SLFN12: variants seen among roughly 807,000 people sequenced by gnomAD.
SLFN12 encodes the protein ribonuclease SLFN12.
SLFN12 carries 25 observed loss-of-function variants against 29.1 expected under a neutral mutation model. The observed-to-expected ratio is 0.86, with a 90% CI of 0.63 to 1.20. The LOEUF is 1.20. Ranked by LOEUF, SLFN12 falls within the 50% of genes most tolerant of loss-of-function variation. The probability of loss-of-function intolerance (pLI) is 0.00; values close to 1 mark genes in which losing one functional copy is unlikely to be tolerated. For synonymous variants in SLFN12, 257 were observed against 238.7 expected (o/e 1.08, Z -0.71); for missense variants, 660 against 666.2 (o/e 0.99, Z 0.10).
intron 2 of SLFN12, chr17:35,420,870 C>T (rs1911584336): frequency 6.6e-6 from 1 of 152,160 alleles, no homozygotes; most frequent in Admixed American, 6.5e-5. Flanking sequence ...TACTACTTGG[C>T]TCACAAATGT....
intron 1 of SLFN12, among the ~76,000 whole-genome samples, chr17:35,431,637 T>C (rs1349141848): frequency 1.3e-5 from 2 of 152,118 alleles, no homozygotes; most frequent in Admixed American, 6.5e-5. Context: ...AGTGCCACTT[T>C]ACATGTTTTC....
At chr17:35,417,096 A>G (rs1235876638) in intron 3 of SLFN12, among the ~76,000 whole-genome samples, 1 of 152,136 alleles carries the variant, frequency 6.6e-6, no homozygotes, top group East Asian at 1.9e-4. Context: ...ATACTAGACA[A>G]AGAAAGAGAG....
At chr17:35,427,517 CTAT>C (rs1330979474) in intron 1 of SLFN12, among the ~76,000 whole-genome samples, 2 of 152,090 alleles carry the variant, frequency 1.3e-5, no homozygotes, top group Non-Finnish European at 2.9e-5. Context: ...AGCTGTATTT[CTAT>C]TATTTCACAT....
rs995073341 is a variant in SLFN12 at position 35,429,044 on chromosome 17, C to T, written c.-41+3144G>A. On this transcript the variant is annotated intron_variant, in intron 1 of 3. Coordinates refer to ENST00000304905, the MANE Select transcript of SLFN12 (RefSeq NM_018042.5). ...TTTCTGGTAATGCCTCACCAAGCAG[C>T]CTCTGCTCTGCTCCCCGATTCTTTT... Among the ~76,000 whole-genome samples, 6 of 152,104 alleles carry T rather than the reference C, an allele frequency of 3.9e-5. No homozygotes were observed. In the East Asian group the frequency reaches 1.2e-3, roughly 29 times the overall value.
intron 1 of SLFN12, among the ~76,000 whole-genome samples, chr17:35,427,494 A>C (rs1314930180): frequency 1.3e-5 from 2 of 152,130 alleles, no homozygotes; most frequent in East Asian, 3.8e-4. Flanking sequence ...TCACAAAATG[A>C]GTTGAGGATG....
At chr17:35,419,729 T>C (rs1260447073) in intron 3 of SLFN12, among the ~76,000 whole-genome samples, 1 of 152,134 alleles carries the variant, frequency 6.6e-6, no homozygotes, top group African/African-American at 2.4e-5. Context: ...TCTTATTACT[T>C]GAATATTCAC....
chr17:35,433,156 G>A (rs1171352452), upstream of SLFN12: 1 of 152,328 alleles, frequency 6.6e-6, no homozygotes, highest in East Asian at 1.9e-4. Flanking sequence ...ACTCTCCACA[G>A]AGTAAAAAGA....
At chr17:35,420,426 C>A in intron 2 of SLFN12, 45 bp from the exon 3 acceptor site, 1 of 1,215,452 alleles carries the variant, frequency 8.2e-7, no homozygotes, top group Non-Finnish European at 1.2e-6. Context: ...AGAAGGGAGA[C>A]CCCAACTAAC....
At chr17:35,417,703 T>C (rs1223309770) in intron 3 of SLFN12, among the ~76,000 whole-genome samples, 5 of 152,136 alleles carry the variant, frequency 3.3e-5, no homozygotes, top group African/African-American at 4.8e-5. Flanking sequence ...TTTTATGATC[T>C]GCATATTTGT....
chr17:35,421,337 G>C (rs1044031054), intron 2 of SLFN12, among the ~76,000 whole-genome samples: 7 of 151,620 alleles, frequency 4.6e-5, no homozygotes, highest in African/African-American at 7.3e-5. Flanking sequence ...GTTACTTACT[G>C]AAATAGAGCT....
intron 3 of SLFN12, among the ~76,000 whole-genome samples, chr17:35,417,433 G>A (rs1236277204): frequency 6.6e-6 from 1 of 152,028 alleles, no homozygotes; most frequent in African/African-American, 2.4e-5. Context: ...AAGTACCTAA[G>A]GCAAACCTCA....
chr17:35,412,656 A>G (rs1482661673), intron 3 of SLFN12, among the ~76,000 whole-genome samples: 1 of 152,132 alleles, frequency 6.6e-6, no homozygotes, highest in Admixed American at 6.5e-5. Context: ...GAGAAATGTA[A>G]TATCTATCAA....
At chr17:35,415,558 G>A (rs1395456207) in intron 3 of SLFN12, among the ~76,000 whole-genome samples, 2 of 151,918 alleles carry the variant, frequency 1.3e-5, no homozygotes, top group Non-Finnish European at 2.9e-5. Flanking sequence ...AAAAGAAATA[G>A]CAGAGTAAAA....
At chr17:35,425,343 A>G (rs1227444646) in intron 1 of SLFN12, among the ~76,000 whole-genome samples, 1 of 152,090 alleles carries the variant, frequency 6.6e-6, no homozygotes, top group East Asian at 1.9e-4. Context: ...TGTTAACTAT[A>G]GTAATCATAT....
chr17:35,430,597 A>C (rs1796114152), intron 1 of SLFN12: 1 of 152,168 alleles, frequency 6.6e-6, no homozygotes, highest in African/African-American at 2.4e-5. Flanking sequence ...AGATGGCTGC[A>C]TGCAAACATC....
intron 3 of SLFN12, among the ~76,000 whole-genome samples, chr17:35,415,679 T>A (rs1911271641): frequency 6.6e-6 from 1 of 151,054 alleles, no homozygotes; most frequent in South Asian, 2.1e-4. Context: ...AAACAAAGAA[T>A]CCCATCAAAA....
At position 35,422,744 on chromosome 17, in the gene SLFN12, G is replaced by A. The variant is rs1197678966; in HGVS notation, c.285C>T (p.Asp95=). Reference sequence around the variant, plus strand: ...GAAAGTAGTTACCATTCTGCATGAAGTCTAAGTACTCAGGAACAAATAACA... The same window carrying A: ...GAAAGTAGTTACCATTCTGCATGAAATCTAAGTACTCAGGAACAAATAACA... ...NILLFVPEYL[D]FMQNGNYFLI... The change falls in exon 2 of 4, where the codon GAC becomes GAT. Residue 95 remains aspartate, a synonymous_variant. Coordinates refer to ENST00000304905, the MANE Select transcript of SLFN12 (RefSeq NM_018042.5). The A allele has an allele frequency of 6.2e-7, 1 of 1,614,124 alleles. No individual in the cohort carries two copies. The highest frequency in any genetic ancestry group is 1.7e-5 in the Admixed American group (1 of 60,030).
intron 2 of SLFN12, among the ~76,000 whole-genome samples, chr17:35,421,443 C>T (rs1037748785): frequency 6.6e-6 from 1 of 151,188 alleles, no homozygotes; most frequent in Non-Finnish European, 1.5e-5. Flanking sequence ...GGTTTTTGCA[C>T]CAGGTAGGGC....
At chr17:35,414,316 C>A (rs979844716) in intron 3 of SLFN12, among the ~76,000 whole-genome samples, 2 of 151,982 alleles carry the variant, frequency 1.3e-5, no homozygotes, top group African/African-American at 2.4e-5. Flanking sequence ...TTTCCATACA[C>A]TAACAACAAA....
Sources: gnomAD v4.1 joint callset for allele counts (sites outside exome capture counted in the v4.1 genomes callset) on GRCh38, gnomAD v4.1.1 for gene constraint, MANE v1.5 for transcripts, NCBI Gene and HGNC (gene_info 2026-07-23, HGNC 2026-07-21) for gene names.